The following ACO2 variants were observed in gnomAD, a reference collection of about 807,000 sequenced individuals.
The protein encoded by ACO2 is aconitase 2, also known as aconitate hydratase, mitochondrial.
ACO2 carries 31 observed loss-of-function variants against 84.5 expected under a neutral mutation model. The observed-to-expected ratio is 0.37, with a 90% CI of 0.28 to 0.50. The LOEUF (loss-of-function observed/expected upper bound fraction) is 0.50, where lower values mean the gene tolerates loss of function less well. ACO2 is among the 20% of genes least tolerant of loss of function. The pLI is 0.97. For synonymous variants in ACO2, 414 were observed against 412.7 expected, an observed-to-expected ratio of 1.00 and a Z score of -0.04; for missense variants, 685 against 1,029.3, an observed-to-expected ratio of 0.67 and a Z score of 4.58.
intron 1 of ACO2, among the ~76,000 whole-genome samples, chr22:41,488,564 A>G (rs901717792): frequency 6.6e-6 from 1 of 152,178 alleles, no homozygotes; most frequent in Non-Finnish European, 1.5e-5. Context: ...TGGCCTGATC[A>G]TAATCGAGTG....
chr22:41,519,807 C>CA lies in ACO2; in HGVS notation c.1033-350dup, dbSNP rs11426442. Reference sequence around the variant, plus strand: ...TGGGCAGCAGAGCGAGACTCCATCTCAAAAAAAAAAAAAAGATTCCAAAAG... The same window carrying CA: ...TGGGCAGCAGAGCGAGACTCCATCTCAAAAAAAAAAAAAAAGATTCCAAAAG... On this transcript the variant is annotated intron_variant, in intron 8 of 17. Coordinates refer to ENST00000216254, the MANE Select transcript of ACO2 (RefSeq NM_001098.3). Among the ~76,000 whole-genome samples, 400 of 134,852 alleles carry CA rather than the reference C, an allele frequency of 3.0e-3. 3 individuals carry two copies. The highest frequency in any genetic ancestry group is 7.7e-3 in the Middle Eastern group (2 of 260). 88.5% of individuals were successfully genotyped at this position (134,852 alleles called of 152,430 possible). A position where few individuals can be genotyped will look rare whatever the true frequency, so the allele number is the denominator to read the frequency against.
chr22:41,488,805 G>C (rs2066251938), intron 1 of ACO2, among the ~76,000 whole-genome samples: 1 of 152,200 alleles, frequency 6.6e-6, no homozygotes, highest in Non-Finnish European at 1.5e-5. Context: ...TGGAGAGCCT[G>C]CTTGCTGGGG....
intron 1 of ACO2, among the ~76,000 whole-genome samples, chr22:41,473,683 G>A (rs1022229920): frequency 6.6e-6 from 1 of 152,164 alleles, no homozygotes; most frequent in Admixed American, 6.5e-5. Flanking sequence ...GAGAATAGGG[G>A]TGGGAACATG....
chr22:41,508,262 A>C (rs545918013), intron 3 of ACO2, among the ~76,000 whole-genome samples: 1 of 152,346 alleles, frequency 6.6e-6, no homozygotes, highest in South Asian at 2.1e-4. Flanking sequence ...AGAAAGAAAA[A>C]ATCATCCTTG....
intron 12 of ACO2, among the ~76,000 whole-genome samples, chr22:41,524,257 C>G (rs560880363): frequency 6.6e-6 from 1 of 152,328 alleles, no homozygotes; most frequent in East Asian, 1.9e-4. Flanking sequence ...CTCTGTGTCC[C>G]CGTAATCCTC....
intron 15 of ACO2, chr22:41,526,996 C>T: frequency 2.0e-6 from 1 of 498,424 alleles, no homozygotes; most frequent in Non-Finnish European, 3.6e-6. Context: ...CCCTGTCTCA[C>T]CCAACCTCCC....
Position 41,526,445 on chromosome 22 carries a change from T to C in ACO2, c.1945T>C (p.Tyr649His), listed in dbSNP as rs2066598236. ...EFGPVPDTAR[Y>H]YKKHGIRWVV... ...TGGCCCCGTCCCTGACACTGCCCGC[T>C]ACTACAAGGTGGGTCAGAGTTGATA... The change falls in exon 15 of 18, where the codon TAC becomes CAC. Residue 649 changes from tyrosine to histidine, a missense_variant. By Grantham distance (83) the Tyr-to-His change is moderately conservative. Around this residue, in one of 5 missense-constraint regions of ACO2, gnomAD observed 174 missense variants for 236.6 expected, o/e 0.74. Coordinates refer to ENST00000216254, the MANE Select transcript of ACO2 (RefSeq NM_001098.3). 2 of 1,611,840 alleles carry C rather than the reference T, an allele frequency of 1.2e-6. No homozygotes were observed. Among genetic ancestry groups the C allele is most frequent in the Non-Finnish European group, 1.7e-6 (2 of 1,178,550 alleles).
chr22:41,510,533 G>A (rs1158851297), intron 3 of ACO2, among the ~76,000 whole-genome samples: 3 of 152,208 alleles, frequency 2.0e-5, no homozygotes, highest in African/African-American at 7.2e-5. Context: ...TGGTTTGAGT[G>A]TATCTCATCA....
rs2066593795 is a variant in ACO2, at chr22:41,526,252, AC to A, written c.1762-8del. On this transcript the variant is annotated splice_polypyrimidine_tract_variant and intron_variant, in intron 14 of 17. Coordinates refer to ENST00000216254, the MANE Select transcript of ACO2 (RefSeq NM_001098.3). Reference sequence around the variant, plus strand: ...GCCCTGACCTCTGTCCTCTCTACTTACCACCCAAGGTCAAAGGGAAGTGTAC... The same window carrying A: ...GCCCTGACCTCTGTCCTCTCTACTTACACCCAAGGTCAAAGGGAAGTGTAC... 6.2e-7 allele frequency: 1 copy of A among 1,609,988 alleles called. No homozygotes were observed. The highest frequency in any genetic ancestry group is 1.1e-5 in the South Asian group (1 of 90,800).
chr22:41,491,097 TCAA>T (rs2066268531), intron 1 of ACO2, among the ~76,000 whole-genome samples: 1 of 151,804 alleles, frequency 6.6e-6, no homozygotes, highest in Non-Finnish European at 1.5e-5. Context: ...GTTTGATGGA[TCAA>T]CTGGATGTTC....
At chr22:41,495,725 G>T (rs980615695) in intron 1 of ACO2, among the ~76,000 whole-genome samples, 1 of 149,474 alleles carries the variant, frequency 6.7e-6, no homozygotes, top group Non-Finnish European at 1.5e-5. Context: ...GGTTCATGCC[G>T]TTCTCCTGCC....
chr22:41,486,623 A>C (rs2038160544), intron 1 of ACO2, among the ~76,000 whole-genome samples: 2 of 151,624 alleles, frequency 1.3e-5, no homozygotes, highest in African/African-American at 4.8e-5. Context: ...GGCACCCGCC[A>C]CCGTGCCCGG....
chr22:41,492,466 G>A (rs538239974), intron 1 of ACO2, among the ~76,000 whole-genome samples: 18 of 152,094 alleles, frequency 1.2e-4, no homozygotes, highest in South Asian at 6.2e-4. Flanking sequence ...ATGAAACCCC[G>A]TCTCTACTAA....
At chr22:41,528,427 C>G in intron 17 of ACO2, 52 bp from the exon 18 acceptor site, 1 of 1,596,128 alleles carries the variant, frequency 6.3e-7, no homozygotes, top group South Asian at 1.1e-5. Context: ...CCTGCGGGGC[C>G]AAGGGCACAC....
At position 41,522,726 on chromosome 22, in the gene ACO2, G is replaced by C. The variant is rs529465202; in HGVS notation, c.1139-104G>C. Reference sequence around the variant, plus strand: ...TTAAAAAAGTCTCTGGCCCAGCCCAGATGGTGAACTCTTTTGGCCAAGTCT... The same window carrying C: ...TTAAAAAAGTCTCTGGCCCAGCCCACATGGTGAACTCTTTTGGCCAAGTCT... On this transcript the variant is annotated intron_variant, in intron 9 of 17. Coordinates refer to ENST00000216254, the MANE Select transcript of ACO2 (RefSeq NM_001098.3). 5.2e-6 allele frequency: 7 copies of C among 1,353,020 alleles called. 1 individual carries two copies. In the South Asian group the frequency reaches 8.5e-5, roughly 16 times the overall value. 83.8% of individuals were successfully genotyped at this position (1,353,020 alleles called of 1,614,324 possible).
intron 1 of ACO2, among the ~76,000 whole-genome samples, chr22:41,470,186 A>G (rs1184795371): frequency 6.6e-6 from 1 of 152,208 alleles, no homozygotes; most frequent in Non-Finnish European, 1.5e-5. Context: ...CAGAGGTTCA[A>G]TGTCAAATGT....
intron 1 of ACO2, among the ~76,000 whole-genome samples, chr22:41,483,188 G>C (rs1047744024): frequency 9.2e-5 from 14 of 152,240 alleles, no homozygotes; most frequent in Non-Finnish European, 2.1e-4. Context: ...CAAGGCCTGA[G>C]ACGTAGGCTC....
chr22:41,517,743 A>G (rs2066487000), intron 7 of ACO2, 112 bp downstream of exon 7: 2 of 926,726 alleles, frequency 2.2e-6, no homozygotes, highest in East Asian at 2.6e-5. Flanking sequence ...CATTGTCTCC[A>G]GACAGGCGTC....
At position 41,517,530 on chromosome 22, in the gene ACO2, T is replaced by C. The variant is rs2066485285; in HGVS notation, c.839T>C (p.Met280Thr). 6.2e-7 allele frequency: 1 copy of C among 1,613,728 alleles called. No homozygotes were observed. The part of the protein sequence containing the change: ...PGVDSISCTG[M>T]ATICNMGAEI... ...CCGGGGCTCTGTTGCTCCACAGGCA[T>C]GGCGACAATCTGCAACATGGGTGCA... The change falls in exon 7 of 18, where the codon ATG (methionine) becomes ACG (threonine). Residue 280 changes from methionine (M) to threonine (T), a missense_variant. Met to Thr is a moderately conservative substitution (Grantham distance 81). Coordinates refer to ENST00000216254, the MANE Select transcript of ACO2 (RefSeq NM_001098.3).
Sources: allele counts gnomAD v4.1 joint callset (sites outside exome capture counted in the v4.1 genomes callset), GRCh38; gene constraint gnomAD v4.1.1; regional missense constraint gnomAD v4.1.1; transcripts MANE v1.5; gene names NCBI Gene and HGNC (gene_info 2026-07-23, HGNC 2026-07-21).